CATSPERE: variants seen among roughly 807,000 people sequenced by gnomAD.
The protein encoded by CATSPERE is catsper channel auxiliary subunit epsilon.
In CATSPERE, 93 loss-of-function variants were observed where a neutral mutation model predicts 114.1. The observed-to-expected ratio is 0.81, with a 90% confidence interval of 0.69 to 0.97. The LOEUF (loss-of-function observed/expected upper bound fraction) is 0.97, where lower values mean the gene tolerates loss of function less well. Ranked by LOEUF, CATSPERE falls within the 50% of genes least tolerant of loss-of-function variation. The pLI is 0.00. For missense variants in CATSPERE, 1,058 were observed against 1,131.6 expected, an observed-to-expected ratio of 0.93 and a Z score of 0.93; for synonymous variants, 341 against 384.1, an observed-to-expected ratio of 0.89 and a Z score of 1.31.
chr1:244,535,480 C>T (rs1414479357), intron 8 of CATSPERE, among the ~76,000 whole-genome samples: 2 of 152,182 alleles, frequency 1.3e-5, no homozygotes. Context: ...CAAGACATAG[C>T]CCTTTCCACT....
At chr1:244,497,379 TAAAC>T (rs1673268809) in intron 6 of CATSPERE, among the ~76,000 whole-genome samples, 2 of 151,570 alleles carry the variant, frequency 1.3e-5, no homozygotes, top group Admixed American at 1.3e-4. Flanking sequence ...AAATTTCAAA[TAAAC>T]CATTAAAAGA....
upstream of CATSPERE, among the ~76,000 whole-genome samples, chr1:244,453,274 C>T (rs976200324): frequency 6.6e-6 from 1 of 152,144 alleles, no homozygotes; most frequent in African/African-American, 2.4e-5. Flanking sequence ...GTCAAATGCC[C>T]GAGGTAGTGT....
intron 20 of CATSPERE, among the ~76,000 whole-genome samples, chr1:244,628,917 T>A (rs1273128372): frequency 6.6e-6 from 1 of 152,208 alleles, no homozygotes; most frequent in African/African-American, 2.4e-5. Context: ...CAAGACCAGT[T>A]CTGTACTTAC....
In CATSPERE at chr1:244,557,532, C is replaced by CATATATATATATAT. The variant is rs61291602; in HGVS notation, c.1030-3098_1030-3085dup. On this transcript the variant is annotated intron_variant, in intron 9 of 21. Transcript: ENST00000366534. The stretch of plus-strand genomic sequence containing the variant: ...TATATATAATTTTATTTGAAATATT[C>CATATATATATATAT]ATATATATATATATATATATATATA... Among the ~76,000 whole-genome samples, 104 of 40,592 alleles carry CATATATATATATAT rather than the reference C, an allele frequency of 2.6e-3. 5 individuals are homozygous for CATATATATATATAT. Among genetic ancestry groups the CATATATATATATAT allele is most frequent in the East Asian group, 6.1e-3 (4 of 660 alleles). The allele number at this position is 40,592 out of a possible 152,430, so 26.6% of individuals were successfully genotyped here.
At chr1:244,637,265 C>A (rs1391268731) in intron 21 of CATSPERE, among the ~76,000 whole-genome samples, 1 of 152,150 alleles carries the variant, frequency 6.6e-6, no homozygotes, top group African/African-American at 2.4e-5. Context: ...ATCACCATGT[C>A]CTCCCCACAG....
chr1:244,520,132 A>AT (rs1413486061), intron 8 of CATSPERE, among the ~76,000 whole-genome samples: 1 of 152,152 alleles, frequency 6.6e-6, no homozygotes, highest in East Asian at 1.9e-4. Context: ...GAAGTTTTAC[A>AT]TTTTTATGAA....
intron 10 of CATSPERE, among the ~76,000 whole-genome samples, chr1:244,567,632 G>C (rs146324603): frequency 6.6e-6 from 1 of 151,080 alleles, no homozygotes; most frequent in East Asian, 2.0e-4. Flanking sequence ...CTGCTTGATC[G>C]ATTTGGCTAT....
At chr1:244,596,777 TAAAAAAAA>T (rs202200845) in intron 17 of CATSPERE, among the ~76,000 whole-genome samples, 1 of 142,024 alleles carries the variant, frequency 7.0e-6, no homozygotes, top group African/African-American at 2.6e-5. Context: ...AAGTAAAATT[TAAAAAAAA>T]AAAAAAAGAA....
intron 20 of CATSPERE, among the ~76,000 whole-genome samples, chr1:244,623,853 A>G (rs181134067): frequency 1.3e-5 from 2 of 152,344 alleles, no homozygotes; most frequent in Admixed American, 6.5e-5. Context: ...GCCAACAATC[A>G]TCTGCGCTTT....
chr1:244,513,818 G>C (rs1175858788), intron 7 of CATSPERE, among the ~76,000 whole-genome samples: 2 of 152,184 alleles, frequency 1.3e-5, no homozygotes, highest in African/African-American at 4.8e-5. Context: ...AGGCCGCACT[G>C]GTGGAAGCTG....
chr1:244,581,399 A>G (rs1666154786), intron 11 of CATSPERE, among the ~76,000 whole-genome samples: 1 of 152,192 alleles, frequency 6.6e-6, no homozygotes, highest in South Asian at 2.1e-4. Context: ...TACCTCCTGA[A>G]AAGCACATAT....
At chr1:244,490,238 T>A (rs1460328066) in intron 5 of CATSPERE, among the ~76,000 whole-genome samples, 7 of 152,226 alleles carry the variant, frequency 4.6e-5, no homozygotes, top group Admixed American at 4.6e-4. Flanking sequence ...CTCAGCCTTC[T>A]GTGATGACAA....
intron 8 of CATSPERE, among the ~76,000 whole-genome samples, chr1:244,539,868 T>C (rs1004832041): frequency 1.3e-4 from 19 of 148,938 alleles, no homozygotes; most frequent in African/African-American, 2.5e-4. Context: ...CTCTCTTTTT[T>C]TCTTTGTTAG....
At position 244,593,578 on chromosome 1, in the gene CATSPERE, T is replaced by G. The variant is rs1228533420; in HGVS notation, c.2303T>G (p.Leu768Arg). ...FTEKFQPVVQ[L>R]FDDNGYVKDV... ...GAAAAGTTTCAACCTGTGGTTCAAC[T>G]GTAAGTATATTCTCATCAACATTTT... is the stretch of plus-strand genomic sequence containing the variant. Residue 768 changes from leucine to arginine, a missense_variant and splice_region_variant, in exon 17 of 22, where the codon CTA (leucine) becomes CGA (arginine). Physicochemically the swap from Leu to Arg is moderately radical, Grantham distance 102. Transcript: ENST00000366534. 1.9e-6 allele frequency: 3 copies of G among 1,610,572 alleles called. No homozygotes were observed. Among genetic ancestry groups the G allele is most frequent in the East Asian group, 4.5e-5 (2 of 44,862 alleles).
intron 7 of CATSPERE, among the ~76,000 whole-genome samples, chr1:244,506,354 A>G (rs1210209886): frequency 1.3e-5 from 2 of 152,226 alleles, no homozygotes; most frequent in Admixed American, 6.5e-5. Context: ...TGCTATGAAC[A>G]TGGATGCACA....
chr1:244,556,514 A>G (rs959613721), intron 9 of CATSPERE, among the ~76,000 whole-genome samples: 6 of 152,150 alleles, frequency 3.9e-5, no homozygotes, highest in African/African-American at 1.4e-4. Flanking sequence ...ATTTTTATTT[A>G]GAAGCCCACT....
At chr1:244,597,375 C>G (rs1422897803) in intron 17 of CATSPERE, among the ~76,000 whole-genome samples, 1 of 152,130 alleles carries the variant, frequency 6.6e-6, no homozygotes, top group Non-Finnish European at 1.5e-5. Flanking sequence ...ATGCTCAGGT[C>G]CCACCTTCCT....
chr1:244,580,704 A>C (rs914248626), intron 11 of CATSPERE, among the ~76,000 whole-genome samples: 1 of 152,036 alleles, frequency 6.6e-6, no homozygotes, highest in East Asian at 1.9e-4. Flanking sequence ...TTGTGGTAAT[A>C]ATTTCCTTAC....
At chr1:244,516,667 G>A (rs1056683406) in intron 7 of CATSPERE, among the ~76,000 whole-genome samples, 4 of 150,716 alleles carry the variant, frequency 2.7e-5, no homozygotes, top group Admixed American at 6.6e-5. Context: ...GACTACAGGC[G>A]TGTGCTACCA....
Sources: allele counts gnomAD v4.1 joint callset (sites outside exome capture counted in the v4.1 genomes callset), GRCh38; gene constraint gnomAD v4.1.1; transcripts MANE v1.5; gene names NCBI Gene and HGNC (gene_info 2026-07-23, HGNC 2026-07-21).